AKAP19: variants seen among roughly 807,000 people sequenced by gnomAD.
AKAP19 encodes A-kinase anchoring protein 19.
the AKAP19 span, chr2:190,199,751 T>A: frequency 2.0e-6 from 3 of 1,522,950 alleles, no homozygotes; most frequent in Non-Finnish European, 2.6e-6. Context: ...TGAAGTGCCC[T>A]GGAGAGGGAA....
the AKAP19 span, among the ~76,000 whole-genome samples, chr2:190,141,816 A>C: frequency 1.3e-5 from 2 of 152,202 alleles, no homozygotes; most frequent in Non-Finnish European, 2.9e-5. Flanking sequence ...GGTTTTTGAG[A>C]GAAGCTTTAT....
the AKAP19 span, among the ~76,000 whole-genome samples, chr2:190,043,935 T>C: frequency 6.6e-6 from 1 of 152,216 alleles, no homozygotes; most frequent in African/African-American, 2.4e-5. Flanking sequence ...ACTTCTTGTC[T>C]CTGGTTTCAG....
the AKAP19 span, among the ~76,000 whole-genome samples, chr2:190,166,446 A>T: frequency 2.0e-5 from 3 of 150,890 alleles, no homozygotes; most frequent in Non-Finnish European, 4.4e-5. Context: ...TTATAAAACC[A>T]TTATAACATT....
At chr2:190,068,061 G>A in the AKAP19 span, among the ~76,000 whole-genome samples, 1 of 152,070 alleles carries the variant, frequency 6.6e-6, no homozygotes. Context: ...AATTAGCTGG[G>A]TGCGGTGGCG....
At chr2:190,104,843 C>T in the AKAP19 span, among the ~76,000 whole-genome samples, 13 of 152,052 alleles carry the variant, frequency 8.5e-5, no homozygotes, top group East Asian at 1.9e-4. Context: ...TGAACAGACA[C>T]GTCTCAAAAG....
At chr2:189,893,327 GA>G in the AKAP19 span, among the ~76,000 whole-genome samples, 1 of 152,174 alleles carries the variant, frequency 6.6e-6, no homozygotes, top group African/African-American at 2.4e-5. Flanking sequence ...TTTTGTGCTT[GA>G]AACCCAGGGC....
chr2:190,091,087 T>C, the AKAP19 span: 3 of 152,196 alleles, frequency 2.0e-5, no homozygotes, highest in African/African-American at 7.2e-5. Flanking sequence ...AGAAGAACCA[T>C]CCACACAATT....
chr2:189,958,588 A>G, the AKAP19 span, among the ~76,000 whole-genome samples: 1 of 150,320 alleles, frequency 6.7e-6, no homozygotes, highest in Non-Finnish European at 1.5e-5. Flanking sequence ...GTGTGTGTAT[A>G]TACACAGACA....
chr2:189,964,683 T>TA, the AKAP19 span, among the ~76,000 whole-genome samples: 4 of 152,156 alleles, frequency 2.6e-5, no homozygotes, highest in Admixed American at 2.0e-4. Context: ...TGGCTTCCTT[T>TA]AAAAAAAATA....
chr2:189,889,892 G>T, the AKAP19 span, among the ~76,000 whole-genome samples: 1 of 152,178 alleles, frequency 6.6e-6, no homozygotes, highest in East Asian at 1.9e-4. Flanking sequence ...GATTGATTGA[G>T]TTTTTAAAGG....
the AKAP19 span, among the ~76,000 whole-genome samples, chr2:190,109,798 T>C: frequency 2.0e-5 from 3 of 152,158 alleles, no homozygotes; most frequent in South Asian, 6.2e-4. Context: ...CTGTGAGCCC[T>C]AGGGAAACAG....
the AKAP19 span, among the ~76,000 whole-genome samples, chr2:190,101,062 A>C: frequency 6.6e-6 from 1 of 152,300 alleles, no homozygotes; most frequent in African/African-American, 2.4e-5. Context: ...GCTGCAGTCA[A>C]TTTCCCAGAC....
the AKAP19 span, among the ~76,000 whole-genome samples, chr2:190,171,152 GC>G: frequency 1.3e-5 from 2 of 151,892 alleles, no homozygotes; most frequent in African/African-American, 4.8e-5. Flanking sequence ...TTCATATAGA[GC>G]ATGGGTTATC....
At chr2:189,987,100 G>T in the AKAP19 span, among the ~76,000 whole-genome samples, 1 of 152,196 alleles carries the variant, frequency 6.6e-6, no homozygotes, top group East Asian at 1.9e-4. Context: ...ATCTAAGCTT[G>T]AATTGTATCT....
the AKAP19 span, chr2:190,057,554 C>T: frequency 6.2e-7 from 1 of 1,613,478 alleles, no homozygotes; most frequent in African/African-American, 1.3e-5. Context: ...CATCGTGATT[C>T]TGTTGAGTGC....
chr2:189,881,980 A>C, the AKAP19 span, among the ~76,000 whole-genome samples: 1 of 152,160 alleles, frequency 6.6e-6, no homozygotes, highest in South Asian at 2.1e-4. Flanking sequence ...ATAGGCTTTT[A>C]AATTGGCTTT....
the AKAP19 span, among the ~76,000 whole-genome samples, chr2:189,904,763 G>A: frequency 7.2e-5 from 11 of 152,042 alleles, 1 homozygote; most frequent in South Asian, 2.3e-3. Context: ...AAAAAATACT[G>A]GCTCTAGAGT....
At chr2:190,053,620 C>G in the AKAP19 span, among the ~76,000 whole-genome samples, 1 of 152,096 alleles carries the variant, frequency 6.6e-6, no homozygotes, top group Non-Finnish European at 1.5e-5. Context: ...AATTTCAACA[C>G]TTTATGTCAC....
At chr2:189,880,464 T>C in the AKAP19 span, among the ~76,000 whole-genome samples, 2 of 152,186 alleles carry the variant, frequency 1.3e-5, no homozygotes, top group Non-Finnish European at 2.9e-5. Flanking sequence ...TTGAGAGCTA[T>C]TTAATGGTGA....
Sources: allele counts gnomAD v4.1 joint callset (sites outside exome capture counted in the v4.1 genomes callset), GRCh38; gene constraint gnomAD v4.1.1; transcripts MANE v1.5; gene names NCBI Gene and HGNC (gene_info 2026-07-23, HGNC 2026-07-21).